The following TBC1D2B variants were observed in gnomAD, a reference collection of about 807,000 sequenced individuals.
The protein encoded by TBC1D2B is TBC1 domain family, member 2B.
In TBC1D2B, 64 loss-of-function variants were observed where a neutral mutation model predicts 100.8. The ratio of observed to expected loss-of-function variants is 0.64; its 90% CI spans 0.52 to 0.78. The LOEUF (loss-of-function observed/expected upper bound fraction) is 0.78, where lower values mean the gene tolerates loss of function less well. TBC1D2B is among the 30% of genes least tolerant of loss of function. The pLI is 0.00. For synonymous variants in TBC1D2B, 480 were observed against 479.7 expected (o/e 1.00, Z -0.01); for missense variants, 1,052 against 1,218.4 (o/e 0.86, Z 2.03).
At chr15:78,054,260 T>C in intron 1 of TBC1D2B, 73 bp from the exon 2 acceptor site, 2 of 1,430,658 alleles carry the variant, frequency 1.4e-6, no homozygotes, top group Non-Finnish European at 1.9e-6. Flanking sequence ...TTATGTCTCA[T>C]GAGTAGACTG....
chr15:78,005,319 C>T (rs961177894), intron 10 of TBC1D2B, among the ~76,000 whole-genome samples: 1 of 152,136 alleles, frequency 6.6e-6, no homozygotes, highest in African/African-American at 2.4e-5. Flanking sequence ...GGTCCTGGCA[C>T]AGAACATGCA....
chr15:78,017,818 G>A (rs372393833), intron 7 of TBC1D2B, 29 bp downstream of exon 7: 17 of 1,448,708 alleles, frequency 1.2e-5, no homozygotes, highest in Non-Finnish European at 1.5e-5. Flanking sequence ...CCTCCCACCA[G>A]GTAATAGAAT....
chr15:78,001,511 C>T lies in TBC1D2B; in HGVS notation c.2696+108G>A, dbSNP rs2071911920. ...AAGCAATGCCCTCTCCAACACTGTA[C>T]ACCGGGGATGGCTCTGAGTTGGAAG... On this transcript the variant is annotated intron_variant, in intron 12 of 12. Coordinates refer to ENST00000300584, the MANE Select transcript of TBC1D2B (RefSeq NM_144572.2). The T allele has an allele frequency of 2.2e-6, 3 of 1,366,602 alleles. No individual in the cohort carries two copies. In the East Asian group the frequency reaches 7.8e-5, roughly 35 times the overall value. 84.7% of individuals were successfully genotyped at this position (1,366,602 alleles called of 1,614,324 possible). A position where few individuals can be genotyped will look rare whatever the true frequency, so the allele number is the denominator to read the frequency against.
chr15:78,049,374 A>G (rs1443493821), intron 2 of TBC1D2B, among the ~76,000 whole-genome samples: 1 of 152,254 alleles, frequency 6.6e-6, no homozygotes, highest in East Asian at 1.9e-4. Context: ...AAATTAATCC[A>G]TAAAAGACAA....
chr15:78,030,061 C>T lies in TBC1D2B; in HGVS notation c.793G>A (p.Glu265Lys). ...TTTTCTTCCTGTACTATGGACTCCT[C>T]TAGGTCCTTAGGGGTTGGGTCTAAA... ...ELLDPTPKDL[E>K]ESIVQEEKKK... Residue 265 changes from glutamate to lysine, a missense_variant, in exon 4 of 13, where the codon GAG becomes AAG. Around this residue, in one of 4 missense-constraint regions of TBC1D2B, gnomAD observed 627 missense variants for 646.1 expected, o/e 0.97. Coordinates refer to ENST00000300584, the MANE Select transcript of TBC1D2B (RefSeq NM_144572.2). The T allele has an allele frequency of 6.2e-7, 1 of 1,613,828 alleles. No homozygotes were observed. Among genetic ancestry groups the T allele is most frequent in the Non-Finnish European group, 8.5e-7 (1 of 1,179,760 alleles).
intron 1 of TBC1D2B, among the ~76,000 whole-genome samples, chr15:78,075,259 C>T (rs762795302): frequency 4.6e-5 from 7 of 151,796 alleles, no homozygotes; most frequent in South Asian, 2.1e-4. Flanking sequence ...AGTGCAGTGG[C>T]GCGATCTCTG....
chr15:78,020,414 T>C (rs2072487900), intron 6 of TBC1D2B, among the ~76,000 whole-genome samples: 1 of 152,274 alleles, frequency 6.6e-6, no homozygotes, highest in African/African-American at 2.4e-5. Context: ...ACAGATACTT[T>C]CTCTAGAACG....
At chr15:78,026,471 C>T (rs977422753) in intron 4 of TBC1D2B, among the ~76,000 whole-genome samples, 1 of 152,168 alleles carries the variant, frequency 6.6e-6, no homozygotes, top group Admixed American at 6.5e-5. Context: ...GATGCCAGTG[C>T]CATGCTTTTG....
At chr15:78,017,301 G>A (rs1269846821) in intron 7 of TBC1D2B, 1 of 153,710 alleles carries the variant, frequency 6.5e-6, no homozygotes, top group Non-Finnish European at 1.4e-5. Context: ...CAGCTGAAAT[G>A]TTTGTGGTCC....
chr15:78,013,307 T>C lies in TBC1D2B; in HGVS notation c.1786A>G (p.Ile596Val). The C allele has an allele frequency of 6.3e-7, 1 of 1,599,840 alleles. No individual in the cohort carries two copies. The highest frequency in any genetic ancestry group is 8.5e-7 in the Non-Finnish European group (1 of 1,172,488). Residue 596 changes from isoleucine (I) to valine (V), a missense_variant, in exon 9 of 13, where the codon ATT becomes GTT. Ile to Val is a conservative substitution (Grantham distance 29). Around this residue, in one of 4 missense-constraint regions of TBC1D2B, gnomAD observed 373 missense variants for 464.9 expected, o/e 0.80. Transcript: ENST00000300584. ...VKPHLVSEYDIYGFRTVPEDD... is the reference protein window; with the variant it reads ...VKPHLVSEYDVYGFRTVPEDD... ...TCAGGTACAGTCCTGAACCCATAAA[T>C]ATCATATTCACTGTTGATAAAAACA...
At chr15:78,067,382 C>T (rs533358352) in intron 1 of TBC1D2B, among the ~76,000 whole-genome samples, 52 of 152,352 alleles carry the variant, frequency 3.4e-4, no homozygotes, top group African/African-American at 1.2e-3. Context: ...AAGCTTGACT[C>T]CTGCTCAACA....
intron 1 of TBC1D2B, among the ~76,000 whole-genome samples, chr15:78,072,758 C>T (rs568576806): frequency 3.9e-5 from 6 of 152,310 alleles, no homozygotes; most frequent in South Asian, 4.1e-4. Flanking sequence ...GCTTCACCCT[C>T]GGTCAGTCAC....
At chr15:78,006,200 A>C (rs1222861291) in intron 10 of TBC1D2B, among the ~76,000 whole-genome samples, 2 of 152,218 alleles carry the variant, frequency 1.3e-5, no homozygotes, top group African/African-American at 2.4e-5. Context: ...GGAATTAAGA[A>C]AGATCAATGC....
chr15:78,008,510 C>T (rs774959722), intron 10 of TBC1D2B, among the ~76,000 whole-genome samples: 1 of 152,240 alleles, frequency 6.6e-6, no homozygotes, highest in Non-Finnish European at 1.5e-5. Context: ...GTGGTCACTG[C>T]ACAGGGTCTG....
rs151167117 is a variant in TBC1D2B at position 78,040,859 on chromosome 15, A to G, written c.683+4041T>C. 1.5e-3 allele frequency among the ~76,000 whole-genome samples: 185 copies of G among 121,378 alleles called. 9 individuals are homozygous for G. The highest frequency in any genetic ancestry group is 3.5e-3 in the African/African-American group (114 of 32,542). The allele number at this position is 121,378 out of a possible 152,430, so 79.6% of individuals were successfully genotyped here. On this transcript the variant is annotated intron_variant, in intron 3 of 12. Coordinates refer to ENST00000300584, the MANE Select transcript of TBC1D2B (RefSeq NM_144572.2). The stretch of plus-strand genomic sequence containing the variant: ...AGAAAAAAGAAAGAAAGAAAGGAAG[A>G]AAGAAAGAAAGAAAGAAAGAAAGAG...
At chr15:78,075,646 T>G (rs569689675) in intron 1 of TBC1D2B, among the ~76,000 whole-genome samples, 7 of 152,338 alleles carry the variant, frequency 4.6e-5, no homozygotes, top group African/African-American at 1.7e-4. Context: ...GGCAAAGGTC[T>G]CCCACTAGGG....
chr15:78,043,981 C>T (rs1452038366), intron 3 of TBC1D2B, among the ~76,000 whole-genome samples: 3 of 148,694 alleles, frequency 2.0e-5, no homozygotes, highest in Non-Finnish European at 4.4e-5. Context: ...CCATGAACCA[C>T]GCAACTGCAT....
intron 3 of TBC1D2B, among the ~76,000 whole-genome samples, chr15:78,039,278 G>A (rs1001444467): frequency 7.2e-5 from 11 of 152,172 alleles, no homozygotes; most frequent in Non-Finnish European, 8.8e-5. Context: ...GGGCTGCGCC[G>A]GGCCCTCTGC....
chr15:78,054,268 CTGT>C (rs2073374810), intron 1 of TBC1D2B, 81 bp from the exon 2 acceptor site: 1 of 1,377,292 alleles, frequency 7.3e-7, no homozygotes, highest in East Asian at 2.6e-5. Flanking sequence ...CATGAGTAGA[CTGT>C]TCAGCTTGCC....
Sources: gnomAD v4.1 joint callset for allele counts (sites outside exome capture counted in the v4.1 genomes callset) on GRCh38, gnomAD v4.1.1 for gene constraint, gnomAD v4.1.1 regional missense constraint, MANE v1.5 for transcripts, NCBI Gene and HGNC (gene_info 2026-07-23, HGNC 2026-07-21) for gene names.